DGUOK: variants seen among roughly 807,000 people sequenced by gnomAD.
The protein encoded by DGUOK is deoxyguanosine kinase, mitochondrial.
In DGUOK, 30 loss-of-function variants were observed where a neutral mutation model predicts 36.6. The ratio of observed to expected loss-of-function variants is 0.82; its 90% confidence interval spans 0.61 to 1.11. The LOEUF is 1.11. Ranked by LOEUF, DGUOK falls within the 50% of genes most tolerant of loss-of-function variation. DGUOK has a pLI of 0.00. For missense variants in DGUOK, 361 were observed against 336.4 expected, an observed-to-expected ratio of 1.07 and a Z score of -0.57; for synonymous variants, 145 against 126.3, an observed-to-expected ratio of 1.15 and a Z score of -0.99.
At chr2:73,955,442 A>G (rs1215881184) in intron 4 of DGUOK, among the ~76,000 whole-genome samples, 1 of 152,238 alleles carries the variant, frequency 6.6e-6, no homozygotes, top group African/African-American at 2.4e-5. Flanking sequence ...TTGATCATTA[A>G]TAAAATTTGT....
chr2:73,943,161 GTTC>G (rs146074458), intron 2 of DGUOK, among the ~76,000 whole-genome samples: 2,352 of 151,916 alleles, frequency 0.015, 24 homozygotes, highest in Non-Finnish European at 0.024. Context: ...TGACTTTTGG[GTTC>G]TTTTTAGGCA....
Position 73,957,139 on chromosome 2 carries a change from A to C in DGUOK, c.606A>C (p.Arg202Ser), listed in dbSNP as rs1683166394. ...CTGTCTTTTAGGTTTGTTTGAAGAGACTGTACCAGAGGGCCAGGGAGGAGG... is the reference window on the plus strand; with the variant it reads ...CTGTCTTTTAGGTTTGTTTGAAGAGCCTGTACCAGAGGGCCAGGGAGGAGG... ...LQASPQVCLK[R>S]LYQRAREEEK... is the part of the protein sequence containing the mutation. Residue 202 changes from arginine to serine, a missense_variant, in exon 5 of 7, where the codon AGA becomes AGC. Arg to Ser is a moderately radical substitution (Grantham distance 110). Coordinates refer to ENST00000264093, the MANE Select transcript of DGUOK (RefSeq NM_080916.3). 4 of 1,613,878 alleles carry C rather than the reference A, an allele frequency of 2.5e-6. No homozygotes were observed. The highest frequency in any genetic ancestry group is 3.4e-6 in the Non-Finnish European group (4 of 1,179,836).
At chr2:73,930,655 G>T (rs919444235) in intron 1 of DGUOK, among the ~76,000 whole-genome samples, 4 of 152,100 alleles carry the variant, frequency 2.6e-5, no homozygotes, top group Admixed American at 2.6e-4. Context: ...TGCAACAGAG[G>T]CTTACTGAGT....
intron 4 of DGUOK, among the ~76,000 whole-genome samples, chr2:73,955,651 G>A (rs1236602009): frequency 6.6e-6 from 1 of 152,106 alleles, no homozygotes; most frequent in Non-Finnish European, 1.5e-5. Context: ...GAAGCGGGCA[G>A]ATCACGATGC....
intron 2 of DGUOK, among the ~76,000 whole-genome samples, chr2:73,940,392 C>G (rs1258664697): frequency 6.6e-6 from 1 of 152,202 alleles, no homozygotes; most frequent in Non-Finnish European, 1.5e-5. Context: ...GGAACTTGTT[C>G]TGGGTGCCAT....
At chr2:73,933,193 T>G (rs1681189363) in intron 1 of DGUOK, among the ~76,000 whole-genome samples, 1 of 152,230 alleles carries the variant, frequency 6.6e-6, no homozygotes, top group Admixed American at 6.5e-5. Flanking sequence ...ATTTTAAGTA[T>G]AAATGATTGG....
intron 2 of DGUOK, among the ~76,000 whole-genome samples, chr2:73,942,970 C>T (rs565598686): frequency 6.6e-6 from 1 of 152,184 alleles, no homozygotes; most frequent in African/African-American, 2.4e-5. Context: ...TTTTTAATCT[C>T]TTAGTATTAG....
chr2:73,944,866 CCA>C (rs1463380202), intron 2 of DGUOK, among the ~76,000 whole-genome samples: 2 of 152,200 alleles, frequency 1.3e-5, no homozygotes, highest in Admixed American at 1.3e-4. Context: ...TCTAGTGACA[CCA>C]CAGAGACTAC....
chr2:73,933,027 T>A (rs1325290395), intron 1 of DGUOK, among the ~76,000 whole-genome samples: 1 of 151,792 alleles, frequency 6.6e-6, no homozygotes, highest in African/African-American at 2.4e-5. Flanking sequence ...TCAGCATTTT[T>A]ACCTTATTTT....
At position 73,926,989 on chromosome 2, in the gene DGUOK, T is replaced by A; in HGVS notation, c.79T>A (p.Ser27Thr). Residue 27 changes from serine (S) to threonine (T), a missense_variant, in exon 1 of 7, where the codon TCC (serine) becomes ACC (threonine). By Grantham distance (58) the Ser-to-Thr change is moderately conservative. Transcript: ENST00000264093. The part of the protein sequence containing the change: ...SMAKSPLEGV[S>T]SSRGLHAGRG... ...GGCCAAGAGCCCACTCGAGGGCGTT[T>A]CCTCCTCCAGAGGCCTGCACGCGGG... The A allele has an allele frequency of 6.2e-7, 1 of 1,612,462 alleles. No homozygotes were observed. The highest frequency in any genetic ancestry group is 8.5e-7 in the Non-Finnish European group (1 of 1,180,030).
chr2:73,930,589 C>T (rs906198508), intron 1 of DGUOK, among the ~76,000 whole-genome samples: 1 of 152,112 alleles, frequency 6.6e-6, no homozygotes, highest in Non-Finnish European at 1.5e-5. Context: ...CCTCTATTTT[C>T]CTGACTTTTG....
chr2:73,941,387 A>T (rs1281714139), intron 2 of DGUOK, among the ~76,000 whole-genome samples: 2 of 152,220 alleles, frequency 1.3e-5, no homozygotes, highest in African/African-American at 4.8e-5. Flanking sequence ...ATTCTGGCAT[A>T]ATTTGTTAGG....
chr2:73,932,720 C>T (rs1681147020), intron 1 of DGUOK: 5 of 1,133,350 alleles, frequency 4.4e-6, no homozygotes, highest in South Asian at 2.8e-5. Flanking sequence ...TCCTTCTGCT[C>T]TAAGTCCTAT....
chr2:73,944,938 G>A (rs1165119247), intron 2 of DGUOK, among the ~76,000 whole-genome samples: 2 of 149,852 alleles, frequency 1.3e-5, no homozygotes, highest in South Asian at 2.1e-4. Flanking sequence ...GGCCACGTGT[G>A]AGGCTGGTAT....
intron 2 of DGUOK, among the ~76,000 whole-genome samples, chr2:73,942,002 G>A (rs1014660543): frequency 1.3e-5 from 2 of 150,870 alleles, no homozygotes; most frequent in African/African-American, 4.9e-5. Context: ...TCTGCCTTCC[G>A]AGTTCAAGCA....
intron 3 of DGUOK, among the ~76,000 whole-genome samples, chr2:73,949,655 T>G (rs910217062): frequency 6.6e-6 from 1 of 152,242 alleles, no homozygotes; most frequent in Non-Finnish European, 1.5e-5. Context: ...GTCTGTACTT[T>G]CCTGAGCCAT....
At chr2:73,935,327 G>A (rs1454381466) in intron 1 of DGUOK, among the ~76,000 whole-genome samples, 2 of 152,200 alleles carry the variant, frequency 1.3e-5, no homozygotes, top group Non-Finnish European at 2.9e-5. Context: ...GGCTGAAGAA[G>A]TATGGCTTTC....
At chr2:73,949,285 T>C (rs1682548431) in intron 3 of DGUOK, among the ~76,000 whole-genome samples, 1 of 152,188 alleles carries the variant, frequency 6.6e-6, no homozygotes, top group Admixed American at 6.5e-5. Context: ...CTTCTAGTTA[T>C]CTGTAAAGAA....
chr2:73,956,880 C>G (rs1683138516), intron 4 of DGUOK, among the ~76,000 whole-genome samples: 1 of 152,186 alleles, frequency 6.6e-6, no homozygotes, highest in Non-Finnish European at 1.5e-5. Flanking sequence ...GCTTGGATGA[C>G]TGGATGGATG....
Sources: allele counts gnomAD v4.1 joint callset (sites outside exome capture counted in the v4.1 genomes callset), GRCh38; gene constraint gnomAD v4.1.1; transcripts MANE v1.5; gene names NCBI Gene and HGNC (gene_info 2026-07-23, HGNC 2026-07-21).